MCM5: variants seen among roughly 807,000 people sequenced by gnomAD.
MCM5 encodes DNA replication licensing factor MCM5.
MCM5 carries 46 observed loss-of-function variants against 79.9 expected under a neutral mutation model. That is an observed-to-expected ratio of 0.58 (90% CI 0.45 to 0.74). The LOEUF (loss-of-function observed/expected upper bound fraction) is 0.74. MCM5 is among the 30% of genes least tolerant of loss of function. The pLI is 0.00. For synonymous variants in MCM5, 404 were observed against 390.5 expected (o/e 1.03, Z -0.41); for missense variants, 883 against 1,017.0 (o/e 0.87, Z 1.79).
At chr22:35,400,755 C>T in intron 2 of MCM5, 150 bp downstream of exon 2, 2 of 743,662 alleles carry the variant, frequency 2.7e-6, no homozygotes, top group South Asian at 3.8e-5. Flanking sequence ...TCCCGGCAGC[C>T]TCACGCCTTG....
At chr22:35,433,790 CCCT>C in the MCM5 span, among the ~76,000 whole-genome samples, 6 of 152,094 alleles carry the variant, frequency 3.9e-5, no homozygotes, top group African/African-American at 1.2e-4. Flanking sequence ...CCCTCCCCAT[CCCT>C]CCTCAGAGGC....
rs201151240 is a variant in MCM5, at chr22:35,413,841, T to C, written c.1092-34T>C. On this transcript the variant is annotated intron_variant, in intron 8 of 16. Transcript: ENST00000216122. ...ATGTCACATGCGATGCCCTCATGGA[T>C]TCTCACCTTGTCCATCTACCCTTCG... The C allele has an allele frequency of 8.2e-5, 104 of 1,263,314 alleles. 1 individual carries two copies. The highest frequency in any genetic ancestry group is 1.1e-4 in the Non-Finnish European group (98 of 859,960). 78.3% of individuals were successfully genotyped at this position (1,263,314 alleles called of 1,614,324 possible).
At chr22:35,449,600 C>G in the MCM5 span, among the ~76,000 whole-genome samples, 1 of 152,058 alleles carries the variant, frequency 6.6e-6, no homozygotes, top group African/African-American at 2.4e-5. Flanking sequence ...CGTGGCCCCT[C>G]TGTCCCAGCC....
chr22:35,423,185 C>G, intron 15 of MCM5, 29 bp from the exon 16 acceptor site: 1 of 1,532,312 alleles, frequency 6.5e-7, no homozygotes, highest in South Asian at 1.2e-5. Context: ...TCCCAGCTCC[C>G]CGGCTGCCTC....
the MCM5 span, among the ~76,000 whole-genome samples, chr22:35,445,755 CCCTCCTTGG>C: frequency 6.6e-6 from 1 of 152,116 alleles, no homozygotes; most frequent in Admixed American, 6.5e-5. Context: ...AGGTGATCGG[CCCTCCTTGG>C]CCTCCAAAAG....
chr22:35,416,618 C>G lies in MCM5; in HGVS notation c.1414-20C>G. The G allele has an allele frequency of 8.1e-6, 13 of 1,602,362 alleles. No homozygotes were observed. Among genetic ancestry groups the G allele is most frequent in the Non-Finnish European group, 1.1e-5 (13 of 1,172,192 alleles). On this transcript the variant is annotated intron_variant, in intron 11 of 16. Coordinates refer to ENST00000216122, the MANE Select transcript of MCM5 (RefSeq NM_006739.4). ...ATCTTTGCCATCTCCTCCCCCTTTT[C>G]GTCGTCTGTCGCCTGTTAGGCTGGG... is the stretch of plus-strand genomic sequence containing the variant.
chr22:35,417,472 A>G (rs1932575802), intron 12 of MCM5, among the ~76,000 whole-genome samples: 1 of 151,046 alleles, frequency 6.6e-6, no homozygotes, highest in African/African-American at 2.5e-5. Context: ...TACATGCCCC[A>G]AGTCGGGGTG....
chr22:35,423,228 A>G lies in MCM5; in HGVS notation c.1990A>G (p.Thr664Ala). Residue 664 changes from threonine to alanine, a missense_variant, in exon 16 of 17, where the codon ACC (threonine) becomes GCC (alanine). Thr to Ala is a moderately conservative substitution (Grantham distance 58, BLOSUM62 0). Around this residue, in one of 3 missense-constraint regions of MCM5, gnomAD observed 426 missense variants for 482.3 expected, o/e 0.88. Coordinates refer to ENST00000216122, the MANE Select transcript of MCM5 (RefSeq NM_006739.4). ...CATGCCCACAGGGGTGGAGGGCTTCACCAGCCAGGAGGACCAGGAGATGCT... is the reference window on the plus strand; with the variant it reads ...CATGCCCACAGGGGTGGAGGGCTTCGCCAGCCAGGAGGACCAGGAGATGCT... Reference protein sequence around the residue: ...SGTLSGVEGFTSQEDQEMLSR... With the variant: ...SGTLSGVEGFASQEDQEMLSR... 6.3e-7 allele frequency: 1 copy of G among 1,588,566 alleles called. No homozygotes were observed. Among genetic ancestry groups the G allele is most frequent in the Non-Finnish European group, 8.6e-7 (1 of 1,163,580 alleles).
intron 5 of MCM5, among the ~76,000 whole-genome samples, chr22:35,407,379 C>T (rs1469847105): frequency 6.6e-6 from 1 of 152,188 alleles, no homozygotes; most frequent in Non-Finnish European, 1.5e-5. Flanking sequence ...GTCCACCCTC[C>T]ACCCCCTCAG....
At chr22:35,440,692 C>T in the MCM5 span, among the ~76,000 whole-genome samples, 2 of 152,128 alleles carry the variant, frequency 1.3e-5, no homozygotes, top group South Asian at 2.1e-4. Context: ...CCAGAGGATC[C>T]GAGGAAGGCA....
chr22:35,410,457 C>T (rs556849414), intron 6 of MCM5: 37 of 394,542 alleles, frequency 9.4e-5, no homozygotes, highest in Non-Finnish European at 1.6e-4. Flanking sequence ...CCTAAACCAG[C>T]GTACAAATGA....
chr22:35,412,193 G>A (rs537765131), intron 7 of MCM5, among the ~76,000 whole-genome samples: 1 of 152,328 alleles, frequency 6.6e-6, no homozygotes, highest in Non-Finnish European at 1.5e-5. Context: ...ATGCTGTCAT[G>A]ACCAAGACAC....
intron 12 of MCM5, among the ~76,000 whole-genome samples, chr22:35,417,437 C>T (rs1205728589): frequency 1.3e-5 from 2 of 152,184 alleles, no homozygotes; most frequent in Non-Finnish European, 2.9e-5. Flanking sequence ...ATCCTATGTC[C>T]ATGCCCAAGT....
chr22:35,414,022 G>A, intron 9 of MCM5, 36 bp downstream of exon 9: 2 of 1,460,908 alleles, frequency 1.4e-6, no homozygotes, highest in Middle Eastern at 1.7e-4. Flanking sequence ...ACCTTGGCTT[G>A]CAGGGAGGAA....
the MCM5 span, among the ~76,000 whole-genome samples, chr22:35,439,429 AT>A: frequency 3.2e-5 from 2 of 61,958 alleles, no homozygotes; most frequent in African/African-American, 8.6e-5. Flanking sequence ...TCATTCATCC[AT>A]CCACCCACAT....
At chr22:35,444,166 G>GGAGAGAGAGAGAGAGAGA in the MCM5 span, among the ~76,000 whole-genome samples, 4 of 147,908 alleles carry the variant, frequency 2.7e-5, no homozygotes, top group African/African-American at 1.0e-4. Flanking sequence ...CTGACAGGCA[G>GGAGAGAGAGAGAGAGAGA]GAGAGAGAGA....
rs779999212 is a variant in MCM5, at chr22:35,408,599, C to T, written c.752+36C>T. ...CGGGCTGGGAGGTGGGCATCTACGA[C>T]GGTGGATGTCCCAGCTGTGGCCCTA... On this transcript the variant is annotated intron_variant, in intron 6 of 16. Transcript: ENST00000216122. 116 of 1,585,940 alleles carry T rather than the reference C, an allele frequency of 7.3e-5. No individual in the cohort carries two copies. In the Admixed American group the frequency reaches 9.0e-4, roughly 12 times the overall value.
chr22:35,413,594 TGCTGGGTGTACC>T (rs1319280379), intron 8 of MCM5, among the ~76,000 whole-genome samples: 1 of 152,188 alleles, frequency 6.6e-6, no homozygotes, highest in African/African-American at 2.4e-5. Flanking sequence ...GTTGCTCAGA[TGCTGGGTGTACC>T]CGAGCACAGC....
intron 14 of MCM5, among the ~76,000 whole-genome samples, chr22:35,420,277 G>A (rs1231094385): frequency 1.3e-5 from 2 of 152,224 alleles, no homozygotes; most frequent in African/African-American, 2.4e-5. Flanking sequence ...AGCCCGAAGG[G>A]AGGGAAGGAC....
Sources: allele counts gnomAD v4.1 joint callset (sites outside exome capture counted in the v4.1 genomes callset), GRCh38; gene constraint gnomAD v4.1.1; regional missense constraint gnomAD v4.1.1; transcripts MANE v1.5; gene names NCBI Gene and HGNC (gene_info 2026-07-23, HGNC 2026-07-21).